Variants in C13orf46 observed in about 807,000 individuals in gnomAD.
The protein encoded by C13orf46 is chromosome 13 open reading frame 46.
rs1223944030 is a variant in C13orf46, at chr13:113,966,040, GTGA to G, written c.505-1049_505-1047del. On this transcript the variant is annotated intron_variant, in intron 5 of 6. Coordinates refer to ENST00000636427, the MANE Select transcript of C13orf46 (RefSeq NM_001365455.2). ...GGTGATGATGGTCATGATAGTGATG[GTGA>G]TGATGATGCTGGTGATGGGAATGAT... 4.1e-3 allele frequency among the ~76,000 whole-genome samples: 620 copies of G among 149,766 alleles called. 3 individuals are homozygous for G. Among genetic ancestry groups the G allele is most frequent in the African/African-American group, 0.014 (557 of 40,832 alleles).
intron 1 of C13orf46, among the ~76,000 whole-genome samples, chr13:113,970,642 CA>C (rs1566424404): frequency 6.6e-6 from 1 of 152,236 alleles, no homozygotes; most frequent in Non-Finnish European, 1.5e-5. Flanking sequence ...CTACTACCCC[CA>C]ACCCAGGCTT....
At chr13:113,961,753 T>C (rs1198118946) in intron 6 of C13orf46, among the ~76,000 whole-genome samples, 1 of 152,216 alleles carries the variant, frequency 6.6e-6, no homozygotes, top group Non-Finnish European at 1.5e-5. Flanking sequence ...TGTGATGCTG[T>C]GAAGTGTGCA....
the C13orf46 span, among the ~76,000 whole-genome samples, chr13:113,930,189 C>T: frequency 6.6e-6 from 1 of 152,220 alleles, no homozygotes; most frequent in Non-Finnish European, 1.5e-5. Flanking sequence ...TGGAGAGAAG[C>T]GCCATCTGCA....
At chr13:113,946,516 G>A in the C13orf46 span, among the ~76,000 whole-genome samples, 6 of 152,218 alleles carry the variant, frequency 3.9e-5, no homozygotes, top group African/African-American at 1.4e-4. Context: ...GTCGTCAGCC[G>A]GGTGAGGTGG....
At chr13:113,968,105 C>A (rs948644911) in intron 4 of C13orf46, among the ~76,000 whole-genome samples, 1 of 152,202 alleles carries the variant, frequency 6.6e-6, no homozygotes, top group Non-Finnish European at 1.5e-5. Flanking sequence ...TTCCTTCACA[C>A]GGTGCCACGT....
At chr13:113,951,880 G>T (rs890845065), downstream of C13orf46, among the ~76,000 whole-genome samples, 12 of 152,250 alleles carry the variant, frequency 7.9e-5, no homozygotes, top group African/African-American at 2.9e-4. Context: ...TCAGCACTCC[G>T]GACAGGGCCT....
rs111426370 is a variant in C13orf46, at chr13:113,970,950, T to C, written c.191-728A>G. Among the ~76,000 whole-genome samples the C allele has an allele frequency of 6.8e-3, 1,032 of 152,308 alleles. 10 individuals carry two copies. The highest frequency in any genetic ancestry group is 0.023 in the African/African-American group (965 of 41,564). ...CCCTGGCACACTTGGCTAAAGGTGT[T>C]GACTGACTTGGCCAACGTGAAACAT... On this transcript the variant is annotated intron_variant, in intron 1 of 6. Coordinates refer to ENST00000636427, the MANE Select transcript of C13orf46 (RefSeq NM_001365455.2).
At chr13:113,958,654 C>A (rs1036098903) in intron 6 of C13orf46, among the ~76,000 whole-genome samples, 1 of 152,248 alleles carries the variant, frequency 6.6e-6, no homozygotes, top group Non-Finnish European at 1.5e-5. Context: ...AGACGGCTCG[C>A]GGGCGACAGC....
chr13:113,950,451 C>A (rs2052484502), downstream of C13orf46, among the ~76,000 whole-genome samples: 1 of 152,014 alleles, frequency 6.6e-6, no homozygotes, highest in Non-Finnish European at 1.5e-5. Context: ...GGGTCCTCAC[C>A]CCCTGCCTTG....
chr13:113,949,268 C>T (rs2052480292), downstream of C13orf46, among the ~76,000 whole-genome samples: 2 of 152,306 alleles, frequency 1.3e-5, no homozygotes, highest in South Asian at 2.1e-4. Context: ...CATGATTGTA[C>T]GTAAAGCACT....
chr13:113,965,627 T>G (rs1360860452), intron 5 of C13orf46, among the ~76,000 whole-genome samples: 2 of 152,036 alleles, frequency 1.3e-5, no homozygotes, highest in Non-Finnish European at 2.9e-5. Flanking sequence ...ATGGTGGTGA[T>G]GATGACAGTG....
chr13:113,946,710 G>GC, the C13orf46 span, among the ~76,000 whole-genome samples: 3 of 152,230 alleles, frequency 2.0e-5, no homozygotes, highest in Non-Finnish European at 2.9e-5. Flanking sequence ...CTGGCTGTTG[G>GC]CATCCAGGCC....
rs901124710 is a variant in C13orf46, at chr13:113,969,297, T to C, written c.243-537A>G. Among the ~76,000 whole-genome samples, 645 of 152,368 alleles carry C rather than the reference T, an allele frequency of 4.2e-3. 4 individuals carry two copies. The highest frequency in any genetic ancestry group is 0.014 in the African/African-American group (584 of 41,594). ...CGCCACCATCTGCAATGGCGTTGAC[T>C]TGGCCGAGGGTATTGACTGACTTGG... is the stretch of plus-strand genomic sequence containing the variant. On this transcript the variant is annotated intron_variant, in intron 2 of 6. Transcript: ENST00000636427.
chr13:113,971,300 T>C (rs1043351220), intron 1 of C13orf46, among the ~76,000 whole-genome samples: 2 of 152,174 alleles, frequency 1.3e-5, no homozygotes, highest in Admixed American at 6.5e-5. Flanking sequence ...CAGAGTCACA[T>C]GGGCCACTCC....
chr13:113,945,669 A>AAAGAAAGAAAGG, the C13orf46 span, among the ~76,000 whole-genome samples: 38 of 132,010 alleles, frequency 2.9e-4, no homozygotes, highest in East Asian at 6.6e-4. Context: ...AGAAAGAAAG[A>AAAGAAAGAAAGG]AAGGAAAGAA....
chr13:113,945,920 A>C, the C13orf46 span, among the ~76,000 whole-genome samples: 3 of 152,172 alleles, frequency 2.0e-5, no homozygotes, highest in African/African-American at 7.2e-5. Flanking sequence ...GCATGTTTAG[A>C]GTCCAGTGCT....
At chr13:113,945,563 A>AGAGAGAG in the C13orf46 span, among the ~76,000 whole-genome samples, 1 of 100,266 alleles carries the variant, frequency 1.0e-5, no homozygotes, top group Non-Finnish European at 2.3e-5. Context: ...GAAAGAAAGA[A>AGAGAGAG]AGAAAGAAAG....
intron 6 of C13orf46, among the ~76,000 whole-genome samples, chr13:113,959,940 A>C (rs1047645691): frequency 2.0e-5 from 3 of 152,206 alleles, no homozygotes; most frequent in Non-Finnish European, 4.4e-5. Flanking sequence ...AAAGGGAATT[A>C]TTTATATGTC....
At chr13:113,949,516 C>T (rs1324497919), downstream of C13orf46, among the ~76,000 whole-genome samples, 1 of 152,162 alleles carries the variant, frequency 6.6e-6, no homozygotes, top group African/African-American at 2.4e-5. Context: ...GAGATGAAGA[C>T]GATTAAGAAG....
Sources: allele counts gnomAD v4.1 joint callset (sites outside exome capture counted in the v4.1 genomes callset), GRCh38; gene constraint gnomAD v4.1.1; transcripts MANE v1.5; gene names NCBI Gene and HGNC (gene_info 2026-07-23, HGNC 2026-07-21).